Variants in CDKN2A observed in about 807,000 individuals in gnomAD.
The protein encoded by CDKN2A is cyclin dependent kinase inhibitor 2A, also known as cyclin-dependent kinase inhibitor 2A.
Under a neutral mutation model 11.1 loss-of-function variants are expected in CDKN2A, and 3 were observed. The ratio of observed to expected loss-of-function variants is 0.27; its 90% CI spans 0.12 to 0.70. The LOEUF is 0.70. Ranked by LOEUF, CDKN2A falls within the 30% of genes least tolerant of loss-of-function variation. CDKN2A has a pLI of 0.77. For synonymous variants in CDKN2A, 122 were observed against 108.1 expected (o/e 1.13, Z -0.80); for missense variants, 265 against 233.6 (o/e 1.13, Z -0.88).
At position 21,974,454 on chromosome 9, in the gene CDKN2A, G is replaced by C. The variant is rs2131109083; in HGVS notation, c.150+224C>G. On this transcript the variant is annotated intron_variant, in intron 1 of 2. Coordinates refer to ENST00000304494, the MANE Select transcript of CDKN2A (RefSeq NM_000077.5). This position sits in a 1 kb window ranked among gnomAD's most constrained non-coding sequence, Gnocchi z 5.2. ...CCCTTCAGATCTTCTCAGCATTCGA[G>C]AGATCTGTACGCGCGTGGCTCCTCA... 6.2e-7 allele frequency: 1 copy of C among 1,605,814 alleles called. No homozygotes were observed. Among genetic ancestry groups the C allele is most frequent in the Non-Finnish European group, 8.5e-7 (1 of 1,178,772 alleles).
intron 1 of CDKN2A, 32 bp from the exon 2 acceptor site, chr9:21,971,240 G>T (rs1384758869): frequency 6.3e-7 from 1 of 1,586,126 alleles, no homozygotes; most frequent in Non-Finnish European, 8.5e-7. Flanking sequence ...TCAGAGCCAG[G>T]GTGGGGGCCG....
chr9:21,989,934 G>A (rs551149087), intron 2 of CDKN2A: 1 of 152,456 alleles, frequency 6.6e-6, no homozygotes, highest in South Asian at 2.1e-4. Flanking sequence ...TGCCAGTTAA[G>A]CCTCTGGGAT....
chr9:21,974,946 G>A (rs2131115263), upstream of CDKN2A: 4 of 1,422,576 alleles, frequency 2.8e-6, no homozygotes, highest in South Asian at 6.2e-5. The surrounding 1 kb of genome is among the most constrained non-coding windows in gnomAD (Gnocchi z 5.2). Context: ...GGTGCTGGCG[G>A]AAGAGCCCCC....
At chr9:21,994,142 G>A (rs1427767413) in intron 1 of CDKN2A, 12 of 1,601,068 alleles carry the variant, frequency 7.5e-6, no homozygotes, top group Non-Finnish European at 1.0e-5. Flanking sequence ...TTCCTACCTG[G>A]TCTTCTAGGA....
upstream of CDKN2A, chr9:21,974,963 C>T (rs1250968877): frequency 1.4e-6 from 2 of 1,417,228 alleles, no homozygotes; most frequent in East Asian, 2.7e-5. The surrounding 1 kb of genome is among the most constrained non-coding windows in gnomAD (Gnocchi z 5.2). Flanking sequence ...CCCCTCCGAC[C>T]CTGTCCCTCA....
upstream of CDKN2A, among the ~76,000 whole-genome samples, chr9:21,979,075 C>A (rs139221408): frequency 6.6e-6 from 1 of 152,118 alleles, no homozygotes; most frequent in East Asian, 1.9e-4. Flanking sequence ...CAAAGGCTTC[C>A]GGATGCTGAG....
intron 2 of CDKN2A, among the ~76,000 whole-genome samples, chr9:21,992,841 A>G (rs914206673): frequency 6.6e-6 from 1 of 152,146 alleles, no homozygotes; most frequent in Non-Finnish European, 1.5e-5. Flanking sequence ...CCACTGTTAA[A>G]AAAAACAACA....
upstream of CDKN2A, chr9:21,975,111 G>GCA (rs1253299544): frequency 6.4e-6 from 8 of 1,255,582 alleles, no homozygotes; most frequent in Non-Finnish European, 8.0e-6. Flanking sequence ...TCCCCCGGGG[G>GCA]CACCAGCCGG....
chr9:21,975,100 C>A (rs2131115774), upstream of CDKN2A: 2 of 1,285,762 alleles, frequency 1.6e-6, no homozygotes, highest in South Asian at 4.8e-5. Flanking sequence ...CAGGTTGGGT[C>A]TCCCCCGGGG....
chr9:21,980,766 T>C (rs1820153517), intron 2 of CDKN2A, among the ~76,000 whole-genome samples: 1 of 150,978 alleles, frequency 6.6e-6, no homozygotes, highest in Admixed American at 6.6e-5. Context: ...TAGACCATCC[T>C]AGGTAACACG....
At chr9:21,969,180 G>C (rs1563887054) in intron 2 of CDKN2A, among the ~76,000 whole-genome samples, 1 of 152,140 alleles carries the variant, frequency 6.6e-6, no homozygotes, top group Non-Finnish European at 1.5e-5. Flanking sequence ...GAGGAGGGGG[G>C]ATGATCGCTT....
Position 21,990,397 on chromosome 9 carries a change from C to A in CDKN2A, c.-4+3485G>T, listed in dbSNP as rs549039780. 4.9e-4 allele frequency among the ~76,000 whole-genome samples: 75 copies of A among 152,232 alleles called. 1 individual carries two copies. Among genetic ancestry groups the A allele is most frequent in the Non-Finnish European group, 1.6e-4 (11 of 68,012 alleles). On this transcript the variant is annotated intron_variant, in intron 2 of 3. Coordinates refer to the CDKN2A transcript ENST00000494262. ...CACTTAAACAACTCAGTTTCCTTGT[C>A]TTTCCTCCCTCCCTACCCATCTAAG...
At chr9:21,970,789 G>C in intron 2 of CDKN2A, 113 bp downstream of exon 2, 1 of 1,338,128 alleles carries the variant, frequency 7.5e-7, no homozygotes, top group South Asian at 1.2e-5. Flanking sequence ...TGGCGCGTGA[G>C]CTGAGGCAAG....
chr9:21,971,315 A>G (rs1819737773), intron 1 of CDKN2A, 107 bp from the exon 2 acceptor site: 1 of 1,530,202 alleles, frequency 6.5e-7, no homozygotes, highest in Non-Finnish European at 8.7e-7. Context: ...CACAAGCCCC[A>G]GGTGTCTAAT....
rs1820357339 is a variant in CDKN2A, at chr9:21,988,688, C to G, written c.-4+5194G>C. 1.3e-5 allele frequency among the ~76,000 whole-genome samples: 2 copies of G among 152,134 alleles called. No individual in the cohort carries two copies. The highest frequency in any genetic ancestry group is 1.3e-4 in the Admixed American group (2 of 15,266). Reference sequence around the variant, plus strand: ...CTTGAGTGACAGATTCAGTCGTACTCGAAACCTCAGCATGGTGCAATATAC... The same window carrying G: ...CTTGAGTGACAGATTCAGTCGTACTGGAAACCTCAGCATGGTGCAATATAC... On this transcript the variant is annotated intron_variant, in intron 2 of 3. Coordinates refer to the CDKN2A transcript ENST00000494262. The surrounding 1 kb of genome is among the most constrained non-coding windows in gnomAD (Gnocchi z 4.1).
In CDKN2A at chr9:21,970,933, A is replaced by C. The variant is rs879254063; in HGVS notation, c.426T>G (p.His142Gln). Residue 142 changes from histidine to glutamine, a missense_variant, in exon 2 of 3, where the codon CAT becomes CAG. Transcript: ENST00000304494. The stretch of plus-strand genomic sequence containing the variant: ...GACCTTCCGCGGCATCTATGCGGGC[A>C]TGGTTACTGCCTCTGGTGCCCCCCG... ...AAAGGTRGSNHARIDAAEGPS... is the reference protein window; with the variant it reads ...AAAGGTRGSNQARIDAAEGPS... 1 of 1,612,472 alleles carries C rather than the reference A, an allele frequency of 6.2e-7. No individual in the cohort carries two copies.
chr9:21,987,452 G>C (rs1470898479), intron 2 of CDKN2A, among the ~76,000 whole-genome samples: 110 of 104,102 alleles, frequency 1.1e-3, no homozygotes, highest in South Asian at 2.8e-3. Flanking sequence ...GAGAGAGAGA[G>C]AGAGATCCAT....
chr9:21,985,596 T>C (rs930091148), intron 2 of CDKN2A, among the ~76,000 whole-genome samples: 4 of 151,994 alleles, frequency 2.6e-5, no homozygotes, highest in African/African-American at 9.6e-5. Flanking sequence ...ATTATTATTC[T>C]GGGTTATTAG....
At chr9:21,970,143 G>C in intron 2 of CDKN2A, 1 of 254,396 alleles carries the variant, frequency 3.9e-6, no homozygotes, top group Non-Finnish European at 7.5e-6. Flanking sequence ...ACAGCTGTGG[G>C]AGTAGGGAAC....
Sources: gnomAD v4.1 joint callset for allele counts (sites outside exome capture counted in the v4.1 genomes callset) on GRCh38, gnomAD v4.1.1 for gene constraint, Gnocchi (gnomAD v3.1) non-coding constraint, MANE v1.5 for transcripts, NCBI Gene and HGNC (gene_info 2026-07-23, HGNC 2026-07-21) for gene names.